Variants in DLGAP2 observed in about 807,000 individuals in gnomAD.
DLGAP2 encodes DLG associated protein 2.
In DLGAP2, 26 loss-of-function variants were observed where a neutral mutation model predicts 100.3. That is an observed-to-expected ratio of 0.26 (90% confidence interval 0.19 to 0.36). The LOEUF (loss-of-function observed/expected upper bound fraction) is 0.36. DLGAP2 is among the 10% of genes least tolerant of loss of function. The probability of loss-of-function intolerance (pLI) is 1.00; values close to 1 mark genes in which losing one functional copy is unlikely to be tolerated. For synonymous variants in DLGAP2, 886 were observed against 630.1 expected, an observed-to-expected ratio of 1.41 and a Z score of -6.08; for missense variants, 1,858 against 1,453.2, an observed-to-expected ratio of 1.28 and a Z score of -4.53.
chr8:1,676,478 C>T (rs1798813354), intron 10 of DLGAP2, 55 bp from the exon 11 acceptor site: 2 of 1,544,408 alleles, frequency 1.3e-6, no homozygotes, highest in African/African-American at 2.7e-5. Context: ...CAAAATAGTC[C>T]CTTGCCCAGG....
chr8:1,683,079 G>A (rs1056614063), intron 12 of DLGAP2, among the ~76,000 whole-genome samples: 8 of 151,528 alleles, frequency 5.3e-5, no homozygotes, highest in Admixed American at 1.3e-4. Flanking sequence ...AGTAAGACAT[G>A]GTAAAGGACC....
At chr8:1,062,618 C>T (rs183057509) in intron 2 of DLGAP2, among the ~76,000 whole-genome samples, 30 of 152,280 alleles carry the variant, frequency 2.0e-4, no homozygotes, top group Admixed American at 7.8e-4. Flanking sequence ...CGCTTTCCCT[C>T]GATACTTTGC....
chr8:1,493,623 ATCC>A (rs1799457099), intron 3 of DLGAP2, among the ~76,000 whole-genome samples: 1 of 152,192 alleles, frequency 6.6e-6, no homozygotes, highest in African/African-American at 2.4e-5. Flanking sequence ...TCACATTCTA[ATCC>A]TCCTGTAAGC....
At chr8:911,270 T>A (rs1798479157) in intron 2 of DLGAP2, among the ~76,000 whole-genome samples, 1 of 152,162 alleles carries the variant, frequency 6.6e-6, no homozygotes, top group Non-Finnish European at 1.5e-5. Context: ...TTAGGATGCG[T>A]GTGTAATGTA....
intron 3 of DLGAP2, among the ~76,000 whole-genome samples, chr8:1,501,131 C>CTAGG (rs1277245453): frequency 2.2e-4 from 33 of 152,116 alleles, no homozygotes; most frequent in African/African-American, 6.3e-4. Flanking sequence ...ATGTCCGTGT[C>CTAGG]TAGGTGGGAG....
chr8:1,688,597 G>A (rs1026713346), intron 12 of DLGAP2, among the ~76,000 whole-genome samples: 3 of 152,204 alleles, frequency 2.0e-5, no homozygotes, highest in African/African-American at 7.2e-5. Flanking sequence ...GGAATGGGGA[G>A]GGAGCTGTGG....
chr8:1,263,588 C>T (rs7828255), intron 3 of DLGAP2, among the ~76,000 whole-genome samples: 31,215 of 152,110 alleles, frequency 0.21, 3,277 homozygotes, highest in Admixed American at 0.25. Context: ...AAGATTTTCC[C>T]CACAAGTGAC....
At chr8:1,554,245 G>A (rs955806452) in intron 5 of DLGAP2, among the ~76,000 whole-genome samples, 6 of 152,134 alleles carry the variant, frequency 3.9e-5, no homozygotes, top group African/African-American at 9.7e-5. Context: ...CCAAGATCAC[G>A]CCACTGCACT....
At chr8:1,194,100 G>A (rs1213414612) in intron 2 of DLGAP2, among the ~76,000 whole-genome samples, 2 of 152,094 alleles carry the variant, frequency 1.3e-5, no homozygotes, top group Non-Finnish European at 2.9e-5. Flanking sequence ...ACCAAGTCCA[G>A]TTTTGACGCT....
At chr8:1,106,465 T>A (rs1804774339) in intron 2 of DLGAP2, among the ~76,000 whole-genome samples, 1 of 149,578 alleles carries the variant, frequency 6.7e-6, no homozygotes, top group South Asian at 2.2e-4. Context: ...CAAGGAGGGT[T>A]TTCTATTGAA....
chr8:1,445,841 T>C (rs1179589241), intron 3 of DLGAP2, among the ~76,000 whole-genome samples: 1 of 152,256 alleles, frequency 6.6e-6, no homozygotes, highest in Non-Finnish European at 1.5e-5. Flanking sequence ...TGATGGCCAG[T>C]GATGATGAGC....
chr8:932,509 A>G (rs1475982660), intron 2 of DLGAP2, among the ~76,000 whole-genome samples: 1 of 152,256 alleles, frequency 6.6e-6, no homozygotes, highest in Non-Finnish European at 1.5e-5. Flanking sequence ...GAGTGGAACA[A>G]TTGGCAAAAT....
At chr8:1,586,778 T>C (rs1296170211) in intron 6 of DLGAP2, among the ~76,000 whole-genome samples, 2 of 152,212 alleles carry the variant, frequency 1.3e-5, no homozygotes, top group Admixed American at 1.3e-4. Context: ...TTTTTATTAC[T>C]GCACAGAGTG....
intron 4 of DLGAP2, among the ~76,000 whole-genome samples, chr8:1,546,472 C>G (rs988049964): frequency 2.0e-5 from 3 of 152,246 alleles, no homozygotes; most frequent in African/African-American, 7.2e-5. Flanking sequence ...TCCCATGTTT[C>G]CATGGCCATG....
intron 8 of DLGAP2, among the ~76,000 whole-genome samples, chr8:1,640,215 T>C (rs1797864176): frequency 6.6e-6 from 1 of 152,134 alleles, no homozygotes; most frequent in South Asian, 2.1e-4. Context: ...TTGATCCTGA[T>C]GAAGAGGAGC....
At chr8:1,378,772 T>G (rs1796024540) in intron 3 of DLGAP2, among the ~76,000 whole-genome samples, 1 of 152,234 alleles carries the variant, frequency 6.6e-6, no homozygotes, top group Admixed American at 6.5e-5. Flanking sequence ...TTTCAGTCTT[T>G]CCTTATGCAG....
chr8:1,538,129 C>T (rs1363135228), intron 4 of DLGAP2, among the ~76,000 whole-genome samples: 1 of 152,194 alleles, frequency 6.6e-6, no homozygotes. Context: ...ACTCATGTCC[C>T]ATGCAGCATG....
At chr8:940,352 CAGAG>C (rs139040145) in intron 2 of DLGAP2, among the ~76,000 whole-genome samples, 17 of 148,220 alleles carry the variant, frequency 1.1e-4, no homozygotes, top group African/African-American at 3.5e-4. Context: ...GGCACAGGGA[CAGAG>C]AGAGAGAGAG....
At chr8:1,206,367 G>T (rs1314170714) in intron 2 of DLGAP2, among the ~76,000 whole-genome samples, 1 of 151,536 alleles carries the variant, frequency 6.6e-6, no homozygotes, top group Non-Finnish European at 1.5e-5. Flanking sequence ...CGTGGACTGG[G>T]GTAGACTGTG....
Sources: allele counts gnomAD v4.1 joint callset (sites outside exome capture counted in the v4.1 genomes callset), GRCh38; gene constraint gnomAD v4.1.1; transcripts MANE v1.5; gene names NCBI Gene and HGNC (gene_info 2026-07-23, HGNC 2026-07-21).